The following ATP10B variants were observed in gnomAD, a reference collection of about 807,000 sequenced individuals.
ATP10B encodes ATPase phospholipid transporting 10B (putative).
Under a neutral mutation model 141.2 loss-of-function variants are expected in ATP10B, and 122 were observed. The ratio of observed to expected loss-of-function variants is 0.86; its 90% CI spans 0.75 to 1.00. ATP10B has a LOEUF of 1.00. Among genes scored for constraint, ATP10B ranks in the 50% least tolerant of loss-of-function variants. The pLI is 0.00. For synonymous variants in ATP10B, 685 were observed against 692.0 expected, an observed-to-expected ratio of 0.99 and a Z score of 0.16; for missense variants, 1,876 against 1,825.3, an observed-to-expected ratio of 1.03 and a Z score of -0.51.
chr5:160,570,218 G>C (rs182093634), intron 24 of ATP10B, among the ~76,000 whole-genome samples: 1 of 150,978 alleles, frequency 6.6e-6, no homozygotes, highest in African/African-American at 2.4e-5. Flanking sequence ...TATATTTTCA[G>C]GGTACATGTA....
At chr5:160,632,957 A>C (rs189105502) in intron 12 of ATP10B, 1 of 152,270 alleles carries the variant, frequency 6.6e-6, no homozygotes, top group Non-Finnish European at 1.5e-5. Context: ...GCCAACAAAC[A>C]TATGAAAAAA....
chr5:160,792,435 G>T (rs185240208), intron 1 of ATP10B, among the ~76,000 whole-genome samples: 108 of 152,122 alleles, frequency 7.1e-4, no homozygotes, highest in Non-Finnish European at 1.4e-3. Context: ...TCTCTTTTGT[G>T]GTTACGTGGA....
At chr5:160,783,439 T>C in intron 2 of ATP10B, among the ~76,000 whole-genome samples, 1 of 111,872 alleles carries the variant, frequency 8.9e-6, no homozygotes, top group East Asian at 2.9e-4. Context: ...GATAGATATA[T>C]CCATCACATA....
At position 160,569,656 on chromosome 5, in the gene ATP10B, C is replaced by A. The variant is rs756229044; in HGVS notation, c.3778G>T (p.Gly1260Cys). The A allele has an allele frequency of 5.7e-6, 9 of 1,591,962 alleles. No individual in the cohort carries two copies. The highest frequency in any genetic ancestry group is 7.7e-6 in the Non-Finnish European group (9 of 1,169,692). ...ACCAGAAAGTACATCAGGAAGCTGC[C>A]GAGGAGCACGACTCCGTGGAAAATG... ...WTIFHGVVLL[G>C]SFLMYFLVSL... is the part of the protein sequence containing the mutation. Residue 1260 changes from glycine (G) to cysteine (C), a missense_variant, in exon 25 of 26, where the codon GGC becomes TGC. Transcript: ENST00000327245.
At chr5:160,839,522 A>G (rs528235147) in intron 1 of ATP10B, among the ~76,000 whole-genome samples, 10 of 152,346 alleles carry the variant, frequency 6.6e-5, no homozygotes, top group Middle Eastern at 3.4e-3. Context: ...CAAAAGCACA[A>G]AAACTTCATA....
intron 18 of ATP10B, among the ~76,000 whole-genome samples, chr5:160,608,431 T>C (rs1267662574): frequency 1.3e-5 from 2 of 152,226 alleles, no homozygotes; most frequent in Non-Finnish European, 2.9e-5. Context: ...TTATAATCCT[T>C]TGGGTATATA....
chr5:160,590,082 T>G (rs1024930552), intron 23 of ATP10B, among the ~76,000 whole-genome samples: 5 of 152,076 alleles, frequency 3.3e-5, no homozygotes, highest in African/African-American at 1.2e-4. Flanking sequence ...TAGAGGCAAG[T>G]ACAAGGTACC....
At chr5:160,833,159 G>T (rs1775205998) in intron 1 of ATP10B, among the ~76,000 whole-genome samples, 1 of 152,166 alleles carries the variant, frequency 6.6e-6, no homozygotes, top group Non-Finnish European at 1.5e-5. Context: ...TACAGAACTA[G>T]AGAGCAGAGA....
intron 1 of ATP10B, among the ~76,000 whole-genome samples, chr5:160,848,430 G>A (rs767300040): frequency 6.6e-5 from 10 of 152,224 alleles, no homozygotes; most frequent in Middle Eastern, 3.4e-3. Context: ...CTAATAAATG[G>A]CACAAATGAA....
chr5:160,842,479 A>G (rs1775869086), intron 1 of ATP10B, among the ~76,000 whole-genome samples: 1 of 152,094 alleles, frequency 6.6e-6, no homozygotes, highest in Non-Finnish European at 1.5e-5. Context: ...GTCAATATAA[A>G]AAATATAGCA....
intron 7 of ATP10B, among the ~76,000 whole-genome samples, chr5:160,668,998 G>C (rs77423861): frequency 0.01 from 1,528 of 152,324 alleles, 12 homozygotes; most frequent in Non-Finnish European, 0.015. Context: ...CTGCACTCTA[G>C]CTCATGAGAA....
At position 160,569,602 on chromosome 5, in the gene ATP10B, T is replaced by C. The variant is rs1754751585; in HGVS notation, c.3832A>G (p.Ile1278Val). 1.9e-6 allele frequency: 3 copies of C among 1,613,672 alleles called. No individual in the cohort carries two copies. The highest frequency in any genetic ancestry group is 2.5e-6 in the Non-Finnish European group (3 of 1,179,822). ...TAGGGATTGGTGGGGCTGTTGCAGA[T>C]GACGCAGGTGGCATTGTACAGGAGG... The part of the protein sequence containing the change: ...VSLLYNATCV[I>V]CNSPTNPYWV... Residue 1278 changes from isoleucine (I) to valine (V), a missense_variant, in exon 25 of 26, where the codon ATC (isoleucine) becomes GTC (valine). Coordinates refer to ENST00000327245, the MANE Select transcript of ATP10B (RefSeq NM_025153.3).
chr5:160,563,612 G>A lies in ATP10B; in HGVS notation c.*1841C>T, dbSNP rs1282587317. 4 of 152,252 alleles carry A rather than the reference G, an allele frequency of 2.6e-5. No individual in the cohort carries two copies. In the East Asian group the frequency reaches 7.7e-4, roughly 29 times the overall value. 9.4% of individuals were successfully genotyped at this position (152,252 alleles called of 1,614,324 possible). ...AATTTTGACTTAATACCTATGTCAA[G>A]CCTGGGAAGAAAGGCAGTTCTAATC... On this transcript the variant is annotated 3_prime_UTR_variant, in exon 26 of 26. Coordinates refer to ENST00000327245, the MANE Select transcript of ATP10B (RefSeq NM_025153.3).
intron 1 of ATP10B, among the ~76,000 whole-genome samples, chr5:160,798,744 ATTTTTTTT>A (rs35866347): frequency 0.023 from 2,317 of 102,530 alleles, 67 homozygotes; most frequent in African/African-American, 0.078. Context: ...CTTTTTCTCT[ATTTTTTTT>A]TTTTTTTTTT....
chr5:160,792,536 A>T (rs1000687622), intron 1 of ATP10B, among the ~76,000 whole-genome samples: 2 of 151,968 alleles, frequency 1.3e-5, no homozygotes, highest in African/African-American at 2.4e-5. Context: ...TCTGCTTGCC[A>T]GGACTCTTTC....
At chr5:160,608,044 C>T (rs2127633124) in intron 18 of ATP10B, among the ~76,000 whole-genome samples, 1 of 152,312 alleles carries the variant, frequency 6.6e-6, no homozygotes. Flanking sequence ...TCGTCATTTA[C>T]ATTAGGTATT....
rs144335531 is a variant in ATP10B at position 160,630,151 on chromosome 5, A to G, written c.1620+1978T>C. On this transcript the variant is annotated intron_variant, in intron 13 of 25. Transcript: ENST00000327245. ...ATACTTAGCTGTTCATAAAAAGAACATATCACCATCTTCCCTTCACCAGGC... is the reference window on the plus strand; with the variant it reads ...ATACTTAGCTGTTCATAAAAAGAACGTATCACCATCTTCCCTTCACCAGGC... 2.3e-3 allele frequency among the ~76,000 whole-genome samples: 344 copies of G among 152,370 alleles called. 2 individuals are homozygous for G. Among genetic ancestry groups the G allele is most frequent in the Non-Finnish European group, 2.9e-3 (194 of 68,036 alleles).
At chr5:160,877,275 G>C in the ATP10B span, among the ~76,000 whole-genome samples, 1 of 148,316 alleles carries the variant, frequency 6.7e-6, no homozygotes, top group Non-Finnish European at 1.5e-5. Context: ...CAGAGCCAAA[G>C]ACAAAAACCA....
chr5:160,572,772 T>A (rs895800823), intron 24 of ATP10B, among the ~76,000 whole-genome samples: 12 of 152,240 alleles, frequency 7.9e-5, no homozygotes, highest in African/African-American at 2.9e-4. Context: ...AAAAGTGTAA[T>A]TAAATTGCTG....
Sources: allele counts gnomAD v4.1 joint callset (sites outside exome capture counted in the v4.1 genomes callset), GRCh38; gene constraint gnomAD v4.1.1; transcripts MANE v1.5; gene names NCBI Gene and HGNC (gene_info 2026-07-23, HGNC 2026-07-21).